OR2T35: variants seen among roughly 807,000 people sequenced by gnomAD.
The protein encoded by OR2T35 is olfactory receptor 2T35.
For missense variants in OR2T35, 47 were observed against 278.8 expected (o/e 0.17, Z 5.92); for synonymous variants, 18 against 110.2 (o/e 0.16, Z 5.24).
chr1:248,638,105 T>C lies in OR2T35; in HGVS notation c.*182A>G. ...AATTTTGAATTGCTGAAAGTGACAC[T>C]GAACATTCTTCAGAACCAATACCAT... On this transcript the variant is annotated 3_prime_UTR_variant, in exon 2 of 2. Coordinates refer to ENST00000641268, the MANE Select transcript of OR2T35 (RefSeq NM_001001827.2). 1 of 362,870 alleles carries C rather than the reference T, an allele frequency of 2.8e-6. No homozygotes were observed. Among genetic ancestry groups the C allele is most frequent in the South Asian group, 2.8e-5 (1 of 36,238 alleles). The allele number at this position is 362,870 out of a possible 1,614,324, so 22.5% of individuals were successfully genotyped here. A position where few individuals can be genotyped will look rare whatever the true frequency, so the allele number is the denominator to read the frequency against.
rs1187771031 is a variant in OR2T35, at chr1:248,638,148, C to T, written c.*139G>A. On this transcript the variant is annotated 3_prime_UTR_variant, in exon 2 of 2. Transcript: ENST00000641268. ...AATACCATATTTTCTGTAATAGCTG[C>T]GTTATTGGCCGCAGCACCGCAGATG... 7 of 505,128 alleles carry T rather than the reference C, an allele frequency of 1.4e-5. No homozygotes were observed. In the East Asian group the frequency reaches 1.7e-4, roughly 12 times the overall value. The allele number at this position is 505,128 out of a possible 1,614,324, so 31.3% of individuals were successfully genotyped here.
chr1:248,643,185 CAT>C (rs1344724177), intron 1 of OR2T35, among the ~76,000 whole-genome samples: 1 of 55,300 alleles, frequency 1.8e-5, no homozygotes, highest in Non-Finnish European at 3.7e-5. Context: ...GGATGACACG[CAT>C]AGTTACTTCT....
Position 248,642,216 on chromosome 1 carries a change from C to CAAAAAAAA in OR2T35, c.-22-2944_-22-2937dup, listed in dbSNP as rs61189391. Reference sequence around the variant, plus strand: ...GTTCCCCTTCATCAACTAGTCTTTCCAAAAAAAAAAAAAAAAAAAGAAAAA... The same window carrying CAAAAAAAA: ...GTTCCCCTTCATCAACTAGTCTTTCCAAAAAAAAAAAAAAAAAAAAAAAAAAAGAAAAA... On this transcript the variant is annotated intron_variant, in intron 1 of 1. Transcript: ENST00000641268. Among the ~76,000 whole-genome samples, 49 of 53,636 alleles carry CAAAAAAAA rather than the reference C, an allele frequency of 9.1e-4. 1 individual carries two copies. The highest frequency in any genetic ancestry group is 1.8e-3 in the Non-Finnish European group (30 of 16,840). 35.2% of individuals were successfully genotyped at this position (53,636 alleles called of 152,430 possible). A position where few individuals can be genotyped will look rare whatever the true frequency, so the allele number is the denominator to read the frequency against.
rs142197989 is a variant in OR2T35 at position 248,639,065 on chromosome 1, C to A, written c.194G>T (p.Ser65Ile). 5,375 of 511,722 alleles carry A rather than the reference C, an allele frequency of 0.011. 17 individuals carry two copies. The highest frequency in any genetic ancestry group is 0.015 in the Non-Finnish European group (4,377 of 291,152). 31.7% of individuals were successfully genotyped at this position (511,722 alleles called of 1,614,324 possible). ...GATGGTATCCATGATGGAGAGCTGG[C>A]TGAGCAAGAAGTACATGGGTGTGTG... The part of the protein sequence containing the change: ...RLHTPMYFLL[S>I]QLSIMDTIYI... Residue 65 changes from serine to isoleucine, a missense_variant, in exon 2 of 2, where the codon AGC (serine) becomes ATC (isoleucine). By Grantham distance (142) the Ser-to-Ile change is moderately radical (BLOSUM62 -2). Transcript: ENST00000641268.
At chr1:248,641,845 T>G (rs1423571558) in intron 1 of OR2T35, among the ~76,000 whole-genome samples, 2 of 81,262 alleles carry the variant, frequency 2.5e-5, no homozygotes, top group African/African-American at 5.8e-5. Context: ...AAGGCCCTGC[T>G]AAAGAGCAGA....
chr1:248,644,589 G>A (rs1293104324), intron 1 of OR2T35, among the ~76,000 whole-genome samples: 8 of 143,888 alleles, frequency 5.6e-5, no homozygotes, highest in African/African-American at 7.8e-5. Context: ...GGTGGAGTGC[G>A]GCTGGAAAGT....
rs756827683 is a variant in OR2T35 at position 248,645,133 on chromosome 1, CAA to C, written c.-23+112_-23+113del. 9 of 112,330 alleles carry C rather than the reference CAA, an allele frequency of 8.0e-5. 1 individual carries two copies. The highest frequency in any genetic ancestry group is 5.0e-4 in the Admixed American group (6 of 12,014). 7.0% of individuals were successfully genotyped at this position (112,330 alleles called of 1,614,324 possible). ...AGGTTTGCTTGGCTTAAAAAAAAAA[CAA>C]AACAAAATCAGCACTATAATGGCAT... On this transcript the variant is annotated intron_variant, in intron 1 of 1. Transcript: ENST00000641268.
At chr1:248,642,344 A>AC (rs1448624901) in intron 1 of OR2T35, among the ~76,000 whole-genome samples, 4 of 141,860 alleles carry the variant, frequency 2.8e-5, no homozygotes, top group African/African-American at 7.4e-5. Flanking sequence ...AGAACCCCTG[A>AC]CCCCCAGGAC....
chr1:248,642,232 A>AAAG (rs1660795849), intron 1 of OR2T35, among the ~76,000 whole-genome samples: 1 of 63,854 alleles, frequency 1.6e-5, no homozygotes, highest in African/African-American at 3.0e-5. Context: ...AAAAAAAAAA[A>AAAG]AAAGAAAAAG....
Position 248,637,939 on chromosome 1 carries a change from TGG to T in OR2T35, c.*346_*347del, listed in dbSNP as rs1158438562. On this transcript the variant is annotated 3_prime_UTR_variant, in exon 2 of 2. Transcript: ENST00000641268. ...CAAGAGCTGCTTGGCGTGCCATGAA[TGG>T]TTTGTAGGGCTACTTGACTGAGAAT... 27 of 74,056 alleles carry T rather than the reference TGG, an allele frequency of 3.6e-4. No individual in the cohort carries two copies. Among genetic ancestry groups the T allele is most frequent in the African/African-American group, 2.0e-3 (22 of 10,820 alleles). The allele number at this position is 74,056 out of a possible 1,614,324, so 4.6% of individuals were successfully genotyped here.
Position 248,642,216 on chromosome 1 carries a change from CAAAAAAAAAAA to C in OR2T35, c.-22-2947_-22-2937del, listed in dbSNP as rs61189391. ...GTTCCCCTTCATCAACTAGTCTTTC[CAAAAAAAAAAA>C]AAAAAAAAGAAAAAGAAAAAGAAAA... is the stretch of plus-strand genomic sequence containing the variant. On this transcript the variant is annotated intron_variant, in intron 1 of 1. Coordinates refer to ENST00000641268, the MANE Select transcript of OR2T35 (RefSeq NM_001001827.2). Among the ~76,000 whole-genome samples the C allele has an allele frequency of 1.1e-4, 6 of 53,654 alleles. 1 individual carries two copies. Among genetic ancestry groups the C allele is most frequent in the African/African-American group, 2.4e-4 (6 of 24,844 alleles). The allele number at this position is 53,654 out of a possible 152,430, so 35.2% of individuals were successfully genotyped here.
intron 1 of OR2T35, among the ~76,000 whole-genome samples, chr1:248,644,212 G>C (rs1660826505): frequency 9.8e-6 from 1 of 102,402 alleles, no homozygotes; most frequent in Non-Finnish European, 2.2e-5. Context: ...GGAAATGAAA[G>C]TGTTAAAGAG....
At position 248,638,667 on chromosome 1, in the gene OR2T35, G is replaced by GGGTCTC; in HGVS notation, c.586_591dup (p.Glu196_Thr197dup). 3 of 1,534,946 alleles carry GGGTCTC rather than the reference G, an allele frequency of 2.0e-6. No homozygotes were observed. In the South Asian group the frequency reaches 3.4e-5, roughly 17 times the overall value. ...ATCAGCACGCAGCAGGCATACATCA[G>GGGTCTC]GGTCTCATAGAGTGACGTGTCTGTG... On this transcript the variant is annotated inframe_insertion, in exon 2 of 2. Coordinates refer to ENST00000641268, the MANE Select transcript of OR2T35 (RefSeq NM_001001827.2).
At position 248,645,070 on chromosome 1, in the gene OR2T35, G is replaced by A. The variant is rs1311615497; in HGVS notation, c.-23+177C>T. 1.3e-4 allele frequency among the ~76,000 whole-genome samples: 17 copies of A among 129,974 alleles called. 1 individual carries two copies. The South Asian group carries it at 2.5e-3, about 19-fold the overall frequency. The allele number at this position is 129,974 out of a possible 152,430, so 85.3% of individuals were successfully genotyped here. ...CCCTCCCATCCCAACTGACAATTTG[G>A]AAATTTTCAGTGTGGAAAGTTAGGC... On this transcript the variant is annotated intron_variant, in intron 1 of 1. Coordinates refer to ENST00000641268, the MANE Select transcript of OR2T35 (RefSeq NM_001001827.2).
intron 1 of OR2T35, among the ~76,000 whole-genome samples, chr1:248,644,480 G>T (rs1187824330): frequency 8.0e-6 from 1 of 124,846 alleles, no homozygotes; most frequent in African/African-American, 3.6e-5. Flanking sequence ...ATGTCAAAAG[G>T]CTCGAAAATG....
intron 1 of OR2T35, among the ~76,000 whole-genome samples, chr1:248,639,780 C>CT (rs66497248): frequency 3.0e-3 from 41 of 13,722 alleles, no homozygotes; most frequent in African/African-American, 6.6e-3. Context: ...AGATAACTGA[C>CT]TTTTTTGGCT....
chr1:248,642,993 T>TA (rs1310091692), intron 1 of OR2T35, among the ~76,000 whole-genome samples: 1 of 124,032 alleles, frequency 8.1e-6, no homozygotes, highest in Non-Finnish European at 1.8e-5. Flanking sequence ...ACAATATTCT[T>TA]AAGGGGCACA....
Position 248,644,846 on chromosome 1 carries a change from A to C in OR2T35, c.-23+401T>G, listed in dbSNP as rs540947044. ...TGTACTCCGTCTGCTTTTATGAATG[A>C]ATGCATTTGGACCTTGCTTCCTACA... is the stretch of plus-strand genomic sequence containing the variant. On this transcript the variant is annotated intron_variant, in intron 1 of 1. Coordinates refer to ENST00000641268, the MANE Select transcript of OR2T35 (RefSeq NM_001001827.2). Among the ~76,000 whole-genome samples, 23 of 139,870 alleles carry C rather than the reference A, an allele frequency of 1.6e-4. 1 individual carries two copies. The highest frequency in any genetic ancestry group is 3.5e-4 in the Non-Finnish European group (22 of 63,616). The allele number at this position is 139,870 out of a possible 152,430, so 91.8% of individuals were successfully genotyped here.
rs1185804922 is a variant in OR2T35, at chr1:248,642,229, A to G, written c.-22-2949T>C. On this transcript the variant is annotated intron_variant, in intron 1 of 1. Coordinates refer to ENST00000641268, the MANE Select transcript of OR2T35 (RefSeq NM_001001827.2). ...AACTAGTCTTTCCAAAAAAAAAAAA[A>G]AAAAAAGAAAAAGAAAAAGAAAAAG... is the stretch of plus-strand genomic sequence containing the variant. Among the ~76,000 whole-genome samples, 30 of 63,058 alleles carry G rather than the reference A, an allele frequency of 4.8e-4. 1 individual carries two copies. Among genetic ancestry groups the G allele is most frequent in the African/African-American group, 8.3e-4 (28 of 33,610 alleles). 41.4% of individuals were successfully genotyped at this position (63,058 alleles called of 152,430 possible). A position where few individuals can be genotyped will look rare whatever the true frequency, so the allele number is the denominator to read the frequency against.
Sources: allele counts gnomAD v4.1 joint callset (sites outside exome capture counted in the v4.1 genomes callset), GRCh38; gene constraint gnomAD v4.1.1; transcripts MANE v1.5; gene names NCBI Gene and HGNC (gene_info 2026-07-23, HGNC 2026-07-21).